Variants in FRMPD2 observed in about 807,000 individuals in gnomAD.
FRMPD2 encodes FERM and PDZ domain containing 2, also known as FERM and PDZ domain-containing protein 2.
A neutral mutation model predicts 140.1 loss-of-function variants in FRMPD2; 96 were observed. The observed-to-expected ratio is 0.69, with a 90% CI of 0.58 to 0.81. The LOEUF (loss-of-function observed/expected upper bound fraction) is 0.81, where lower values mean the gene tolerates loss of function less well. Among genes scored for constraint, FRMPD2 ranks in the 40% least tolerant of loss-of-function variants. The pLI is 0.00. For synonymous variants in FRMPD2, 449 were observed against 547.6 expected, an observed-to-expected ratio of 0.82 and a Z score of 2.52; for missense variants, 1,240 against 1,447.4, an observed-to-expected ratio of 0.86 and a Z score of 2.32.
chr10:48,206,239 C>A (rs1447396320), intron 14 of FRMPD2, among the ~76,000 whole-genome samples: 2 of 152,034 alleles, frequency 1.3e-5, no homozygotes, highest in African/African-American at 4.8e-5. Flanking sequence ...TAAGAGCTAC[C>A]AAAAATTTGC....
At chr10:48,222,981 C>A (rs781108136) in intron 11 of FRMPD2, 142 bp downstream of exon 11, 2 of 737,630 alleles carry the variant, frequency 2.7e-6, no homozygotes, top group Non-Finnish European at 2.2e-6. Flanking sequence ...AGAATCCAAT[C>A]AACAGAAAAC....
intron 15 of FRMPD2, among the ~76,000 whole-genome samples, chr10:48,193,838 C>T (rs550778871): frequency 1.3e-5 from 2 of 152,226 alleles, no homozygotes; most frequent in South Asian, 4.2e-4. Context: ...TTTCTTCAAA[C>T]AGACCCCCCT....
chr10:48,184,784 C>A lies in FRMPD2; in HGVS notation c.2457G>T (p.Thr819=), dbSNP rs148717200. The A allele has an allele frequency of 1.2e-6, 2 of 1,612,680 alleles. No individual in the cohort carries two copies. Among genetic ancestry groups the A allele is most frequent in the South Asian group, 2.2e-5 (2 of 90,690 alleles). The change falls in exon 19 of 29, where the codon ACG becomes ACT. Residue 819 remains threonine (T), a synonymous_variant. Coordinates refer to ENST00000374201, the MANE Select transcript of FRMPD2 (RefSeq NM_001018071.4). ...IPGGPAEKAK[T]IKPGGQILAL... ...TTTAAAAAGATGTACCTGGTTTGAT[C>A]GTTTTTGCTTTTTCTGCTGGTCCTC...
chr10:48,241,690 C>T (rs1052241676), intron 5 of FRMPD2, among the ~76,000 whole-genome samples: 2 of 152,184 alleles, frequency 1.3e-5, no homozygotes, highest in Non-Finnish European at 2.9e-5. Context: ...CACAGGGCAG[C>T]AAGCAGCACA....
intron 20 of FRMPD2, among the ~76,000 whole-genome samples, chr10:48,184,066 C>A (rs576920487): frequency 6.6e-6 from 1 of 151,978 alleles, no homozygotes; most frequent in African/African-American, 2.4e-5. Context: ...CCCTGTGACA[C>A]GAGTTTGCCT....
intron 1 of FRMPD2, among the ~76,000 whole-genome samples, chr10:48,252,300 C>T (rs1209975577): frequency 2.6e-5 from 4 of 152,140 alleles, no homozygotes; most frequent in Non-Finnish European, 1.5e-5. Context: ...TCTTCTCTTC[C>T]CTCTCTTCTG....
intron 16 of FRMPD2, among the ~76,000 whole-genome samples, chr10:48,191,005 T>C (rs1030560607): frequency 6.6e-6 from 1 of 152,242 alleles, no homozygotes; most frequent in Non-Finnish European, 1.5e-5. Context: ...TCTTGGACGC[T>C]CCTACATCAA....
intron 12 of FRMPD2, among the ~76,000 whole-genome samples, chr10:48,215,614 G>A (rs1182572746): frequency 3.3e-5 from 5 of 152,278 alleles, no homozygotes; most frequent in South Asian, 2.1e-4. Flanking sequence ...CTTTACATAC[G>A]TGAGAAAGGA....
chr10:48,196,844 A>C (rs1838966102), intron 15 of FRMPD2, among the ~76,000 whole-genome samples: 1 of 152,252 alleles, frequency 6.6e-6, no homozygotes, highest in African/African-American at 2.4e-5. Context: ...TAGAATGTGC[A>C]GTTTGAGAAA....
intron 10 of FRMPD2, 147 bp downstream of exon 10, chr10:48,231,968 C>T: frequency 1.5e-6 from 1 of 672,810 alleles, no homozygotes; most frequent in Non-Finnish European, 2.6e-6. Context: ...TACTTGAAGC[C>T]CTCGTCATGC....
intron 20 of FRMPD2, among the ~76,000 whole-genome samples, chr10:48,182,536 A>C (rs749406841): frequency 6.6e-6 from 1 of 152,230 alleles, no homozygotes; most frequent in East Asian, 1.9e-4. Context: ...ATGGTAGTCA[A>C]GTCTCTGCCA....
intron 1 of FRMPD2, among the ~76,000 whole-genome samples, chr10:48,252,724 T>C (rs1309647801): frequency 6.6e-6 from 1 of 152,190 alleles, no homozygotes; most frequent in Non-Finnish European, 1.5e-5. Flanking sequence ...GCTTGACCTG[T>C]GAGCCGTCAC....
chr10:48,242,252 C>T lies in FRMPD2; in HGVS notation c.476G>A (p.Arg159Gln), dbSNP rs751862344. 2.6e-5 allele frequency: 42 copies of T among 1,614,004 alleles called. No homozygotes were observed. The highest frequency in any genetic ancestry group is 1.6e-4 in the Middle Eastern group (1 of 6,084). ...GACAGACACTTCTTTCTCATGAACCCGACAAGCTTCCAGAACCGACTGCAA... is the reference window on the plus strand; with the variant it reads ...GACAGACACTTCTTTCTCATGAACCTGACAAGCTTCCAGAACCGACTGCAA... ...CTLQSVLEACRVHEKEVSVYP... is the reference protein window; with the variant it reads ...CTLQSVLEACQVHEKEVSVYP... Residue 159 changes from arginine (R) to glutamine (Q), a missense_variant, in exon 5 of 29, where the codon CGG (arginine) becomes CAG (glutamine). By Grantham distance (43) the Arg-to-Gln change is conservative (BLOSUM62 1). Around this residue, in one of 6 missense-constraint regions of FRMPD2, gnomAD observed 1,161 missense variants for 1,055.9 expected, o/e 1.10. Transcript: ENST00000374201.
intron 1 of FRMPD2, among the ~76,000 whole-genome samples, chr10:48,254,556 A>C (rs1840451771): frequency 6.6e-6 from 1 of 152,182 alleles, no homozygotes. Context: ...CTCACAATTA[A>C]CATTGTTATC....
intron 1 of FRMPD2, among the ~76,000 whole-genome samples, chr10:48,254,697 T>A (rs1336611020): frequency 6.6e-6 from 1 of 152,256 alleles, no homozygotes; most frequent in African/African-American, 2.4e-5. Context: ...TTAAGCTTCA[T>A]GACAGCCTTC....
At chr10:48,232,356 T>A in intron 9 of FRMPD2, 67 bp from the exon 10 acceptor site, 2 of 1,186,256 alleles carry the variant, frequency 1.7e-6, no homozygotes, top group Non-Finnish European at 2.4e-6. Context: ...GTGTGCTGGT[T>A]ACTGTACTAA....
chr10:48,231,530 T>C (rs1321808771), intron 10 of FRMPD2, among the ~76,000 whole-genome samples: 2 of 152,252 alleles, frequency 1.3e-5, no homozygotes, highest in African/African-American at 4.8e-5. Context: ...TCTTTGTCTA[T>C]AAAGGCTTGC....
intron 14 of FRMPD2, among the ~76,000 whole-genome samples, chr10:48,204,446 A>G (rs1034588005): frequency 4.6e-5 from 7 of 152,232 alleles, no homozygotes; most frequent in African/African-American, 1.7e-4. Flanking sequence ...AATAATAAAA[A>G]CAGATTTCAA....
At position 48,232,125 on chromosome 10, in the gene FRMPD2, C is replaced by T. The variant is rs11816450; in HGVS notation, c.1158G>A (p.Ala386=). ...NLEELTYFGL[A]YMKSKEFFFL... ...CCAAGAGATGCTTACTTTTCATATA[C>T]GCCAAGCCAAAGTAGGTGAGTTCCT... Residue 386 remains alanine, a synonymous_variant, in exon 10 of 29, where the codon GCG becomes GCA. Coordinates refer to ENST00000374201, the MANE Select transcript of FRMPD2 (RefSeq NM_001018071.4). 0.012 allele frequency: 19,213 copies of T among 1,614,080 alleles called. 573 individuals are homozygous for T. Among genetic ancestry groups the T allele is most frequent in the African/African-American group, 0.11 (8,111 of 74,986 alleles).
Sources: gnomAD v4.1 joint callset for allele counts (sites outside exome capture counted in the v4.1 genomes callset) on GRCh38, gnomAD v4.1.1 for gene constraint, gnomAD v4.1.1 regional missense constraint, MANE v1.5 for transcripts, NCBI Gene and HGNC (gene_info 2026-07-23, HGNC 2026-07-21) for gene names.